SLC25A48: variants seen among roughly 807,000 people sequenced by gnomAD.
SLC25A48 encodes solute carrier family 25 member 48, also known as CTC-321K16.1.
In SLC25A48, 29 loss-of-function variants were observed where a neutral mutation model predicts 32.2. That is an observed-to-expected ratio of 0.90 (90% CI 0.67 to 1.23). The LOEUF (loss-of-function observed/expected upper bound fraction) is 1.23. SLC25A48 is among the 50% of genes most tolerant of loss of function. The pLI, the probability that SLC25A48 is intolerant of heterozygous loss-of-function variation, is 0.00. For missense variants in SLC25A48, 399 were observed against 422.7 expected, an observed-to-expected ratio of 0.94 and a Z score of 0.49; for synonymous variants, 164 against 172.3, an observed-to-expected ratio of 0.95 and a Z score of 0.38.
intron 7 of SLC25A48, among the ~76,000 whole-genome samples, chr5:135,886,603 AT>A (rs1284892772): frequency 5.6e-4 from 10 of 18,002 alleles, no homozygotes; most frequent in South Asian, 3.4e-3. Flanking sequence ...ATATATATAT[AT>A]ATATATATAT....
chr5:135,700,609 G>A (rs1754373213), intron 3 of SLC25A48, among the ~76,000 whole-genome samples: 1 of 152,104 alleles, frequency 6.6e-6, no homozygotes, highest in African/African-American at 2.4e-5. Flanking sequence ...TTCCTCCCTG[G>A]CTGTCTCCAG....
At chr5:135,789,116 G>T (rs1292448567) in intron 3 of SLC25A48, among the ~76,000 whole-genome samples, 1 of 149,500 alleles carries the variant, frequency 6.7e-6, no homozygotes, top group Non-Finnish European at 1.5e-5. Context: ...GTGGCAGGGG[G>T]TGTACACATC....
intron 1 of SLC25A48, among the ~76,000 whole-genome samples, chr5:135,595,193 C>A (rs1382583461): frequency 1.3e-5 from 2 of 152,234 alleles, no homozygotes; most frequent in Non-Finnish European, 2.9e-5. Flanking sequence ...CTCCCTTACC[C>A]TGCTCCACTC....
intron 3 of SLC25A48, among the ~76,000 whole-genome samples, chr5:135,709,499 G>C (rs559388052): frequency 6.6e-6 from 1 of 152,200 alleles, no homozygotes; most frequent in Non-Finnish European, 1.5e-5. Context: ...CCAAAGGTTC[G>C]GACTCAGTAC....
chr5:135,731,026 A>G (rs1755208213), intron 3 of SLC25A48, among the ~76,000 whole-genome samples: 2 of 152,240 alleles, frequency 1.3e-5, no homozygotes, highest in Non-Finnish European at 2.9e-5. Flanking sequence ...AAGAGACCAC[A>G]AAACAGGCTT....
At chr5:135,795,681 G>A (rs917177362) in intron 3 of SLC25A48, among the ~76,000 whole-genome samples, 1 of 151,488 alleles carries the variant, frequency 6.6e-6, no homozygotes, top group Non-Finnish European at 1.5e-5. Flanking sequence ...GGGGTAGAGG[G>A]TGATATTACT....
At chr5:135,832,671 G>A (rs1200290792), upstream of SLC25A48, among the ~76,000 whole-genome samples, 1 of 152,198 alleles carries the variant, frequency 6.6e-6, no homozygotes, top group Non-Finnish European at 1.5e-5. Context: ...CCCAAAGCAA[G>A]GCACTAGCAC....
At chr5:135,790,223 G>A (rs1756989960) in intron 3 of SLC25A48, among the ~76,000 whole-genome samples, 1 of 151,800 alleles carries the variant, frequency 6.6e-6, no homozygotes, top group African/African-American at 2.4e-5. Flanking sequence ...TAATGTCACA[G>A]TGTGTTTACA....
chr5:135,796,187 T>A (rs1757169741), intron 3 of SLC25A48, among the ~76,000 whole-genome samples: 1 of 151,730 alleles, frequency 6.6e-6, no homozygotes, highest in African/African-American at 2.4e-5. Context: ...CAGCCCCCTG[T>A]GATATGGTTC....
intron 3 of SLC25A48, chr5:135,650,222 T>C (rs1753074488): frequency 6.1e-6 from 2 of 325,248 alleles, no homozygotes; most frequent in Admixed American, 8.6e-5. Context: ...GCCTGTATTC[T>C]CTGGCCTGTG....
intron 3 of SLC25A48, among the ~76,000 whole-genome samples, chr5:135,696,393 C>A (rs1754267275): frequency 1.3e-5 from 2 of 152,158 alleles, no homozygotes; most frequent in Non-Finnish European, 2.9e-5. Flanking sequence ...TCTTGGATCA[C>A]CTGTGCCAAA....
intron 1 of SLC25A48, among the ~76,000 whole-genome samples, chr5:135,624,775 G>C (rs1298158957): frequency 1.3e-5 from 2 of 152,206 alleles, no homozygotes; most frequent in East Asian, 1.9e-4. Context: ...GTTTTTGGCT[G>C]GTGTGGCTGG....
rs1028505618 is a variant in SLC25A48 at position 135,783,703 on chromosome 5, G to A, written c.-520-28820G>A. On this transcript the variant is annotated intron_variant, in intron 3 of 10. Transcript: ENST00000646290. ...TATTACTCCCAATATCGAAGGGCGT[G>A]TACCCACCCCATGTGATACTGTTCT... is the stretch of plus-strand genomic sequence containing the variant. 3.4e-5 allele frequency among the ~76,000 whole-genome samples: 4 copies of A among 118,268 alleles called. No homozygotes were observed. The East Asian group carries it at 6.4e-4, about 19-fold the overall frequency. The allele number at this position is 118,268 out of a possible 152,430, so 77.6% of individuals were successfully genotyped here.
intron 4 of SLC25A48, among the ~76,000 whole-genome samples, chr5:135,814,208 C>T (rs866276361): frequency 6.6e-5 from 10 of 152,314 alleles, no homozygotes; most frequent in Middle Eastern, 6.8e-3. Flanking sequence ...CTTCTGCACC[C>T]TGGGCCTTTT....
At chr5:135,850,909 C>A (rs992995570) in intron 3 of SLC25A48, among the ~76,000 whole-genome samples, 1 of 152,250 alleles carries the variant, frequency 6.6e-6, no homozygotes, top group East Asian at 1.9e-4. Flanking sequence ...AGTTTACCTG[C>A]GCCCAGGTCA....
chr5:135,743,771 A>C (rs181717481), intron 3 of SLC25A48, among the ~76,000 whole-genome samples: 1 of 152,356 alleles, frequency 6.6e-6, no homozygotes, highest in East Asian at 1.9e-4. Flanking sequence ...GGCCTCATGC[A>C]TCTCCATCGT....
chr5:135,593,640 AT>A (rs1284322206), intron 1 of SLC25A48, among the ~76,000 whole-genome samples: 1 of 152,204 alleles, frequency 6.6e-6, no homozygotes, highest in African/African-American at 2.4e-5. Flanking sequence ...AGCTAAAACT[AT>A]TGCAGTGGTC....
At chr5:135,638,891 GTAT>G (rs1752769377) in intron 3 of SLC25A48, among the ~76,000 whole-genome samples, 1 of 152,010 alleles carries the variant, frequency 6.6e-6, no homozygotes, top group African/African-American at 2.4e-5. Flanking sequence ...CAATGACAAG[GTAT>G]TATGTTCTCA....
At chr5:135,749,926 C>T (rs1326434430) in intron 3 of SLC25A48, among the ~76,000 whole-genome samples, 1 of 148,920 alleles carries the variant, frequency 6.7e-6, no homozygotes, top group Non-Finnish European at 1.5e-5. Context: ...CCCCAAGACT[C>T]TGTTCTTGGG....
Sources: gnomAD v4.1 joint callset for allele counts (sites outside exome capture counted in the v4.1 genomes callset) on GRCh38, gnomAD v4.1.1 for gene constraint, MANE v1.5 for transcripts, NCBI Gene and HGNC (gene_info 2026-07-23, HGNC 2026-07-21) for gene names.